CCDC14: variants seen among roughly 807,000 people sequenced by gnomAD.
CCDC14 encodes the protein coiled-coil domain-containing protein 14.
A neutral mutation model predicts 81.4 loss-of-function variants in CCDC14; 71 were observed. The ratio of observed to expected loss-of-function variants is 0.87; its 90% CI spans 0.72 to 1.06. CCDC14 has a LOEUF of 1.06. Ranked by LOEUF, CCDC14 falls within the 50% of genes least tolerant of loss-of-function variation. The pLI is 0.00. For synonymous variants in CCDC14, 332 were observed against 364.8 expected, an observed-to-expected ratio of 0.91 and a Z score of 1.03; for missense variants, 1,046 against 1,047.3, an observed-to-expected ratio of 1.00 and a Z score of 0.02.
At chr3:123,912,221 C>G (rs2034464631), downstream of CCDC14, among the ~76,000 whole-genome samples, 1 of 152,158 alleles carries the variant, frequency 6.6e-6, no homozygotes, top group Non-Finnish European at 1.5e-5. Context: ...GTTAGGGATA[C>G]TCTGGACATC....
chr3:123,956,264 G>C (rs780755025), intron 3 of CCDC14, 91 bp downstream of exon 3: 13 of 1,233,692 alleles, frequency 1.1e-5, no homozygotes, highest in Middle Eastern at 2.4e-4. Flanking sequence ...TACTTCCTTA[G>C]AGCAATTAAT....
chr3:123,934,395 A>T (rs1346553013), intron 9 of CCDC14, among the ~76,000 whole-genome samples: 1 of 146,134 alleles, frequency 6.8e-6, no homozygotes, highest in East Asian at 2.0e-4. Context: ...GCTGTTTCTC[A>T]TCGTCTTTCT....
intron 5 of CCDC14, among the ~76,000 whole-genome samples, chr3:123,951,166 A>C (rs1339988518): frequency 6.6e-6 from 1 of 152,156 alleles, no homozygotes; most frequent in Non-Finnish European, 1.5e-5. Context: ...AATTTTAATA[A>C]TGCCTATTTT....
At chr3:123,895,613 G>A (rs979560303), downstream of CCDC14, among the ~76,000 whole-genome samples, 2 of 152,186 alleles carry the variant, frequency 1.3e-5, no homozygotes, top group Admixed American at 6.5e-5. Flanking sequence ...GAAGCCTGGG[G>A]AATAATTTTT....
intron 5 of CCDC14, among the ~76,000 whole-genome samples, chr3:123,908,344 G>A (rs570932940): frequency 6.6e-6 from 1 of 152,226 alleles, no homozygotes; most frequent in East Asian, 1.9e-4. Flanking sequence ...GCCCTTCAAA[G>A]GCACACTGTC....
chr3:123,889,235 C>A, the CCDC14 span, among the ~76,000 whole-genome samples: 4 of 152,204 alleles, frequency 2.6e-5, no homozygotes, highest in Admixed American at 2.0e-4. Flanking sequence ...CATGGTGAAA[C>A]CCTGTCTCTA....
rs78402681 is a variant in CCDC14 at position 123,956,210 on chromosome 3, A to G, written c.160-95T>C. ...GTAGTTTTAAAATTTGTTTATTTAC[A>G]AACTATTATTGGTAGAAAAGATGTT... On this transcript the variant is annotated intron_variant, in intron 3 of 12. Transcript: ENST00000409697. 6.6e-4 allele frequency: 866 copies of G among 1,316,978 alleles called. 6 individuals are homozygous for G. In the African/African-American group the frequency reaches 1.0e-2, roughly 15 times the overall value. 81.6% of individuals were successfully genotyped at this position (1,316,978 alleles called of 1,614,324 possible). A position where few individuals can be genotyped will look rare whatever the true frequency, so the allele number is the denominator to read the frequency against.
intron 12 of CCDC14, among the ~76,000 whole-genome samples, chr3:123,919,557 C>T (rs1034115935): frequency 1.3e-5 from 2 of 152,224 alleles, no homozygotes; most frequent in Admixed American, 6.5e-5. Flanking sequence ...TCCACCTGAC[C>T]TTGGAACCCA....
At chr3:123,894,699 T>A (rs1204953917), downstream of CCDC14, among the ~76,000 whole-genome samples, 1 of 152,260 alleles carries the variant, frequency 6.6e-6, no homozygotes, top group African/African-American at 2.4e-5. Context: ...TTTATCCTTT[T>A]TGATGCTATT....
At chr3:123,930,369 A>G (rs1381299222) in intron 12 of CCDC14, among the ~76,000 whole-genome samples, 1 of 152,346 alleles carries the variant, frequency 6.6e-6, no homozygotes, top group Middle Eastern at 3.4e-3. Context: ...TGGAACTTCT[A>G]GGATCATTCG....
At chr3:123,918,967 T>C (rs1303371087) in intron 12 of CCDC14, among the ~76,000 whole-genome samples, 1 of 152,160 alleles carries the variant, frequency 6.6e-6, no homozygotes, top group East Asian at 1.9e-4. Flanking sequence ...AGAGTCTCAA[T>C]TCTCTGCTTA....
chr3:123,897,967 A>G (rs2034102975), intron 5 of CCDC14, among the ~76,000 whole-genome samples: 1 of 152,240 alleles, frequency 6.6e-6, no homozygotes, highest in Non-Finnish European at 1.5e-5. Flanking sequence ...TACAAAGCCT[A>G]TAAACTCAAT....
At chr3:123,901,627 T>G (rs192538091) in intron 5 of CCDC14, among the ~76,000 whole-genome samples, 102 of 152,296 alleles carry the variant, frequency 6.7e-4, no homozygotes, top group Non-Finnish European at 9.9e-4. Flanking sequence ...GAGGAGACTT[T>G]CCTTACCAAG....
intron 12 of CCDC14, 187 bp downstream of exon 12, chr3:123,930,915 G>A (rs1049849486): frequency 1.3e-5 from 7 of 540,096 alleles, no homozygotes; most frequent in South Asian, 3.5e-5. Context: ...AAAACATTTC[G>A]CCAGGTTTGA....
intron 12 of CCDC14, among the ~76,000 whole-genome samples, chr3:123,920,023 ATAAT>A (rs2034949717): frequency 6.6e-6 from 1 of 152,216 alleles, no homozygotes; most frequent in East Asian, 1.9e-4. Flanking sequence ...AATTTGGAAA[ATAAT>A]TAACAAACAA....
chr3:123,914,053 T>C lies in CCDC14; in HGVS notation c.*726A>G. 1.0e-6 allele frequency: 1 copy of C among 984,656 alleles called. No homozygotes were observed. The highest frequency in any genetic ancestry group is 1.2e-6 in the Non-Finnish European group (1 of 828,944). The allele number at this position is 984,656 out of a possible 1,614,324, so 61.0% of individuals were successfully genotyped here. A position where few individuals can be genotyped will look rare whatever the true frequency, so the allele number is the denominator to read the frequency against. ...TTAAATATAAGGACAAAAATAAACA[T>C]TTCTTATTTAAAAAAAACCCACAAA... On this transcript the variant is annotated 3_prime_UTR_variant, in exon 13 of 13. Transcript: ENST00000409697.
In CCDC14 at chr3:123,949,106, G is replaced by T. The variant is rs760474224; in HGVS notation, c.379C>A (p.Pro127Thr). 1.9e-6 allele frequency: 3 copies of T among 1,605,876 alleles called. No homozygotes were observed. Among genetic ancestry groups the T allele is most frequent in the East Asian group, 2.2e-5 (1 of 44,800 alleles). The change falls in exon 6 of 13, where the codon CCT becomes ACT. Residue 127 changes from proline (P) to threonine (T), a missense_variant. Physicochemically the swap from Pro to Thr is conservative, Grantham distance 38 (BLOSUM62 -1). Transcript: ENST00000409697. Reference sequence around the variant, plus strand: ...TCACTTCTAGCAGAAGCTTCATTAGGTATCTGTTTCTTATTATCTGAAGAT... The same window carrying T: ...TCACTTCTAGCAGAAGCTTCATTAGTTATCTGTTTCTTATTATCTGAAGAT... ...TSSSDNKKQI[P>T]NEASARSERD...
intron 5 of CCDC14, among the ~76,000 whole-genome samples, chr3:123,901,105 G>A (rs1379578770): frequency 1.3e-5 from 2 of 151,996 alleles, no homozygotes; most frequent in African/African-American, 4.8e-5. Context: ...GGAAGCAAGA[G>A]CCTGTAGTCC....
chr3:123,925,988 T>G (rs776169798), intron 12 of CCDC14, among the ~76,000 whole-genome samples: 7 of 152,168 alleles, frequency 4.6e-5, no homozygotes, highest in Admixed American at 1.3e-4. Flanking sequence ...GAAACATATC[T>G]TTGAAGGAAT....
Sources: allele counts gnomAD v4.1 joint callset (sites outside exome capture counted in the v4.1 genomes callset), GRCh38; gene constraint gnomAD v4.1.1; transcripts MANE v1.5; gene names NCBI Gene and HGNC (gene_info 2026-07-23, HGNC 2026-07-21).